Variants in TMEM9B observed in about 807,000 individuals in gnomAD.
The protein encoded by TMEM9B is TMEM9 domain family member B.
In TMEM9B, 8 loss-of-function variants were observed where a neutral mutation model predicts 23.5. The observed-to-expected ratio is 0.34, with a 90% CI of 0.20 to 0.61. The LOEUF (loss-of-function observed/expected upper bound fraction) is 0.61, where lower values mean the gene tolerates loss of function less well. Among genes scored for constraint, TMEM9B ranks in the 20% least tolerant of loss-of-function variants. The pLI is 0.78. For missense variants in TMEM9B, 197 were observed against 252.3 expected, an observed-to-expected ratio of 0.78 and a Z score of 1.49; for synonymous variants, 106 against 96.3, an observed-to-expected ratio of 1.10 and a Z score of -0.59.
At chr11:8,952,051 G>A (rs1853886399) in intron 4 of TMEM9B, among the ~76,000 whole-genome samples, 2 of 152,168 alleles carry the variant, frequency 1.3e-5, no homozygotes, top group Non-Finnish European at 2.9e-5. Context: ...TGAGGTTGTA[G>A]TGAGCCAAAG....
intron 4 of TMEM9B, among the ~76,000 whole-genome samples, chr11:8,948,824 T>C (rs1194882926): frequency 1.3e-5 from 2 of 152,186 alleles, no homozygotes; most frequent in Non-Finnish European, 2.9e-5. Context: ...AGAAAATCTA[T>C]TTTCATGTTA....
chr11:8,960,047 A>AAGCTG (rs1172250578), intron 2 of TMEM9B, among the ~76,000 whole-genome samples: 2 of 152,090 alleles, frequency 1.3e-5, no homozygotes, highest in Admixed American at 6.6e-5. Context: ...GAAAAATGCT[A>AAGCTG]AGCTGCAGAA....
intron 2 of TMEM9B, among the ~76,000 whole-genome samples, chr11:8,961,537 C>A (rs1310798395): frequency 6.6e-6 from 1 of 152,244 alleles, no homozygotes; most frequent in Non-Finnish European, 1.5e-5. Context: ...CCAGTCATCA[C>A]AGGCCTGCCT....
At chr11:8,956,051 C>T (rs1853967744) in intron 3 of TMEM9B, 139 bp downstream of exon 3, 1 of 626,708 alleles carries the variant, frequency 1.6e-6, no homozygotes, top group African/African-American at 1.8e-5. Context: ...CAAACCATGT[C>T]AGTGAGGCAG....
At chr11:8,958,369 G>T (rs186815750) in intron 2 of TMEM9B, among the ~76,000 whole-genome samples, 56 of 148,436 alleles carry the variant, frequency 3.8e-4, no homozygotes, top group African/African-American at 1.2e-3. Context: ...GGCTGAGGCA[G>T]GAGAATCACT....
At chr11:8,964,568 C>T (rs1854164349), upstream of TMEM9B, 2 of 1,087,682 alleles carry the variant, frequency 1.8e-6, no homozygotes, top group Non-Finnish European at 1.2e-6. Flanking sequence ...AGCCCCGGCC[C>T]CGGGACGGAA....
chr11:8,964,488 A>G, upstream of TMEM9B: 2 of 1,416,690 alleles, frequency 1.4e-6, no homozygotes, highest in Non-Finnish European at 9.2e-7. Flanking sequence ...TGCAAAAAGC[A>G]TCCGCCCCGG....
intron 4 of TMEM9B, 61 bp from the exon 5 acceptor site, chr11:8,948,536 C>A (rs2653604): frequency 0.61 from 955,165 of 1,553,562 alleles, 295,749 homozygotes; most frequent in East Asian, 0.81. Flanking sequence ...CATAGACACA[C>A]AACAGTGACC....
chr11:8,960,144 T>G (rs1384062558), intron 2 of TMEM9B, among the ~76,000 whole-genome samples: 4 of 143,080 alleles, frequency 2.8e-5, no homozygotes, highest in Middle Eastern at 3.5e-3. Flanking sequence ...TTCTGTTTTT[T>G]TTTTTTTTTT....
At chr11:8,950,123 G>C (rs1172471755) in intron 4 of TMEM9B, among the ~76,000 whole-genome samples, 1 of 145,934 alleles carries the variant, frequency 6.9e-6, no homozygotes, top group Non-Finnish European at 1.5e-5. Context: ...AAAAATGTAA[G>C]AAAAAAGCTA....
chr11:8,954,127 C>T (rs1044866146), intron 3 of TMEM9B, among the ~76,000 whole-genome samples: 1 of 152,038 alleles, frequency 6.6e-6, no homozygotes, highest in Non-Finnish European at 1.5e-5. Flanking sequence ...AAACATTGTG[C>T]TAAATGAAAG....
rs117136422 is a variant in TMEM9B, at chr11:8,958,873, G to T, written c.198-2575C>A. On this transcript the variant is annotated intron_variant, in intron 2 of 4. Transcript: ENST00000534025. ...GGCATGAGTCACCGCACCCGGCCCA[G>T]GTTATTCTTAACAGGTAATTTAATT... Among the ~76,000 whole-genome samples the T allele has an allele frequency of 4.1e-4, 62 of 152,116 alleles. No homozygotes were observed. The South Asian group carries it at 8.9e-3, about 22-fold the overall frequency.
chr11:8,955,983 C>A (rs1472095604), intron 3 of TMEM9B, among the ~76,000 whole-genome samples: 1 of 152,198 alleles, frequency 6.6e-6, no homozygotes, highest in Non-Finnish European at 1.5e-5. Flanking sequence ...ATGCTAATTA[C>A]ACATAGGGCA....
upstream of TMEM9B, chr11:8,964,557 T>G: frequency 8.5e-7 from 1 of 1,178,502 alleles, no homozygotes; most frequent in Non-Finnish European, 1.1e-6. Context: ...CGCCTTGGCC[T>G]AGCCCCGGCC....
chr11:8,963,464 C>A (rs1399090173), intron 1 of TMEM9B, among the ~76,000 whole-genome samples: 1 of 152,216 alleles, frequency 6.6e-6, no homozygotes, highest in Non-Finnish European at 1.5e-5. Context: ...GTCTGGAGAG[C>A]TGGGGCACCA....
intron 4 of TMEM9B, among the ~76,000 whole-genome samples, chr11:8,951,797 C>G (rs1302502102): frequency 6.8e-6 from 1 of 147,948 alleles, no homozygotes; most frequent in Non-Finnish European, 1.5e-5. Context: ...CAATTTCATA[C>G]AGGGTAATGA....
At chr11:8,948,998 G>A (rs1441539457) in intron 4 of TMEM9B, among the ~76,000 whole-genome samples, 2 of 152,118 alleles carry the variant, frequency 1.3e-5, no homozygotes, top group Non-Finnish European at 1.5e-5. Flanking sequence ...GAGGGTGAGC[G>A]ACAGAGTCTT....
intron 1 of TMEM9B, 43 bp from the exon 2 acceptor site, chr11:8,962,226 CATCA>C (rs1288609877): frequency 3.8e-6 from 5 of 1,309,678 alleles, no homozygotes; most frequent in African/African-American, 1.5e-5. Context: ...GACAGTTTAT[CATCA>C]ATATTTTTAA....
intron 4 of TMEM9B, among the ~76,000 whole-genome samples, chr11:8,952,533 C>G (rs999605263): frequency 3.9e-5 from 6 of 152,020 alleles, no homozygotes; most frequent in Non-Finnish European, 8.8e-5. Flanking sequence ...GTCTCAGCCT[C>G]CTGAATAGTT....
Sources: allele counts gnomAD v4.1 joint callset (sites outside exome capture counted in the v4.1 genomes callset), GRCh38; gene constraint gnomAD v4.1.1; transcripts MANE v1.5; gene names NCBI Gene and HGNC (gene_info 2026-07-23, HGNC 2026-07-21).